CPPED1: variants seen among roughly 807,000 people sequenced by gnomAD.
CPPED1 encodes serine/threonine-protein phosphatase CPPED1.
Under a neutral mutation model 28.0 loss-of-function variants are expected in CPPED1, and 28 were observed. That is an observed-to-expected ratio of 1.00 (90% CI 0.74 to 1.37). The LOEUF is 1.37. Ranked by LOEUF, CPPED1 falls within the 40% of genes most tolerant of loss-of-function variation. The pLI, the probability that CPPED1 is intolerant of heterozygous loss-of-function variation, is 0.00. For synonymous variants in CPPED1, 198 were observed against 180.2 expected (o/e 1.10, Z -0.79); for missense variants, 504 against 416.5 (o/e 1.21, Z -1.83).
At chr16:12,717,476 G>T (rs574776546) in intron 2 of CPPED1, among the ~76,000 whole-genome samples, 1 of 152,182 alleles carries the variant, frequency 6.6e-6, no homozygotes, top group Admixed American at 6.5e-5. Flanking sequence ...GTGTTAGCCA[G>T]GATGGTCTCA....
At chr16:12,730,833 C>A (rs559701618) in intron 2 of CPPED1, among the ~76,000 whole-genome samples, 1 of 152,156 alleles carries the variant, frequency 6.6e-6, no homozygotes, top group Admixed American at 6.5e-5. Context: ...CATCTCAACT[C>A]GAGTGGTGGG....
At chr16:12,692,254 C>A (rs1290732146) in intron 3 of CPPED1, among the ~76,000 whole-genome samples, 1 of 152,158 alleles carries the variant, frequency 6.6e-6, no homozygotes, top group Non-Finnish European at 1.5e-5. Context: ...ATCTCAGAGA[C>A]AGGCTAACTT....
chr16:12,704,066 C>T (rs1021596791), intron 3 of CPPED1, among the ~76,000 whole-genome samples: 6 of 152,172 alleles, frequency 3.9e-5, no homozygotes, highest in African/African-American at 9.7e-5. Flanking sequence ...AGGAACTGTC[C>T]GCTAAAGCCA....
At chr16:12,678,400 C>A (rs1363475781) in intron 3 of CPPED1, among the ~76,000 whole-genome samples, 1 of 152,108 alleles carries the variant, frequency 6.6e-6, no homozygotes, top group East Asian at 1.9e-4. Context: ...TGCATTTCCA[C>A]GGAAATTTTA....
intron 1 of CPPED1, among the ~76,000 whole-genome samples, chr16:12,796,586 C>T (rs2080629037): frequency 6.6e-6 from 1 of 152,088 alleles, no homozygotes; most frequent in South Asian, 2.1e-4. Flanking sequence ...GAAATGTTGG[C>T]AAGGATATGG....
At chr16:12,762,638 C>T (rs933540257) in intron 2 of CPPED1, among the ~76,000 whole-genome samples, 1 of 152,168 alleles carries the variant, frequency 6.6e-6, no homozygotes, top group African/African-American at 2.4e-5. Context: ...ATAGGCAAAT[C>T]TACACACGGA....
intron 2 of CPPED1, among the ~76,000 whole-genome samples, chr16:12,772,375 G>A (rs1477806440): frequency 1.3e-5 from 2 of 152,242 alleles, no homozygotes; most frequent in Non-Finnish European, 1.5e-5. Context: ...ATTCTTAGAC[G>A]CACTCTACTG....
chr16:12,723,619 T>C (rs574986441), intron 2 of CPPED1, among the ~76,000 whole-genome samples: 2 of 152,248 alleles, frequency 1.3e-5, no homozygotes, highest in South Asian at 4.2e-4. Context: ...TCCAGAACGG[T>C]GAGAAAGCAA....
chr16:12,782,304 C>A (rs989988129), intron 1 of CPPED1, among the ~76,000 whole-genome samples: 1 of 152,156 alleles, frequency 6.6e-6, no homozygotes, highest in Non-Finnish European at 1.5e-5. Context: ...CAAAATCGTA[C>A]ATGACAGACC....
intron 2 of CPPED1, among the ~76,000 whole-genome samples, chr16:12,759,055 C>A (rs1232944529): frequency 6.7e-6 from 1 of 149,416 alleles, no homozygotes; most frequent in East Asian, 2.0e-4. Flanking sequence ...CCCAGCTACT[C>A]AGGGGGCTAG....
At chr16:12,724,391 C>T (rs373129939) in intron 2 of CPPED1, among the ~76,000 whole-genome samples, 15 of 152,274 alleles carry the variant, frequency 9.9e-5, no homozygotes, top group African/African-American at 2.9e-4. Flanking sequence ...AGCTCACTGC[C>T]GGGGAAACAA....
At chr16:12,749,927 A>G (rs573497848) in intron 2 of CPPED1, among the ~76,000 whole-genome samples, 1 of 152,182 alleles carries the variant, frequency 6.6e-6, no homozygotes, top group African/African-American at 2.4e-5. Flanking sequence ...AGAATGGTGA[A>G]TCCTTTCCAG....
In CPPED1 at chr16:12,664,908, A is replaced by G. The variant is rs961893323; in HGVS notation, c.923T>C (p.Met308Thr). The change falls in exon 4 of 4, where the codon ATG becomes ACG. Residue 308 changes from methionine to threonine, a missense_variant. Transcript: ENST00000381774. The surrounding 1 kb of genome is among the most constrained non-coding windows in gnomAD (Gnocchi z 4.2). The part of the protein sequence containing the change: ...LSEKGIEDDL[M>T]DLIKKK ...GCGTCATTTTTTCTTGATCAAATCC[A>G]TGAGATCGTCTTCTATTCCTTTCTC... 1.2e-6 allele frequency: 2 copies of G among 1,606,084 alleles called. No individual in the cohort carries two copies. Among genetic ancestry groups the G allele is most frequent in the Non-Finnish European group, 1.7e-6 (2 of 1,177,372 alleles).
In CPPED1 at chr16:12,803,851, T is replaced by C. The variant is rs1424060514; in HGVS notation, c.-75A>G. On this transcript the variant is annotated 5_prime_UTR_variant, in exon 1 of 4. Transcript: ENST00000381774. ...GCGCGACTTCACACAGAACAACCGCTGGACCTGTCCCGCTTTGGGCGACGC... is the reference window on the plus strand; with the variant it reads ...GCGCGACTTCACACAGAACAACCGCCGGACCTGTCCCGCTTTGGGCGACGC... 1.8e-5 allele frequency: 25 copies of C among 1,384,642 alleles called. No homozygotes were observed. The highest frequency in any genetic ancestry group is 1.8e-4 in the Middle Eastern group (1 of 5,588). 85.8% of individuals were successfully genotyped at this position (1,384,642 alleles called of 1,614,324 possible).
intron 3 of CPPED1, among the ~76,000 whole-genome samples, chr16:12,697,688 T>A (rs1456428370): frequency 1.3e-5 from 2 of 152,164 alleles, no homozygotes; most frequent in African/African-American, 4.8e-5. Context: ...GTGGCTGCTC[T>A]CTTGTTATGA....
At chr16:12,726,506 C>A (rs866121067) in intron 2 of CPPED1, among the ~76,000 whole-genome samples, 12 of 151,418 alleles carry the variant, frequency 7.9e-5, no homozygotes, top group African/African-American at 2.2e-4. Flanking sequence ...CCACACCCAG[C>A]TAATTTTTGA....
chr16:12,765,507 C>T (rs1567300785), intron 2 of CPPED1, among the ~76,000 whole-genome samples: 2 of 151,792 alleles, frequency 1.3e-5, no homozygotes, highest in South Asian at 2.1e-4. Context: ...AATGTGCTTT[C>T]GGGAAAAAAA....
chr16:12,726,788 G>A (rs1489423741), intron 2 of CPPED1, among the ~76,000 whole-genome samples: 1 of 151,984 alleles, frequency 6.6e-6, no homozygotes, highest in African/African-American at 2.4e-5. Flanking sequence ...CAGCCTGGGT[G>A]ACAGAGCAAG....
intron 2 of CPPED1, among the ~76,000 whole-genome samples, chr16:12,732,429 G>C (rs2080203561): frequency 6.7e-6 from 1 of 149,920 alleles, no homozygotes. Flanking sequence ...CACAGTATAG[G>C]GGAGCTCCCC....
Sources: allele counts gnomAD v4.1 joint callset (sites outside exome capture counted in the v4.1 genomes callset), GRCh38; gene constraint gnomAD v4.1.1; non-coding constraint Gnocchi (gnomAD v3.1); transcripts MANE v1.5; gene names NCBI Gene and HGNC (gene_info 2026-07-23, HGNC 2026-07-21).